The following DENND2B variants were observed in gnomAD, a reference collection of about 807,000 sequenced individuals.
The protein encoded by DENND2B is DENN domain-containing protein 2B.
A neutral mutation model predicts 116.0 loss-of-function variants in DENND2B; 32 were observed. That is an observed-to-expected ratio of 0.28 (90% CI 0.21 to 0.37). The LOEUF (loss-of-function observed/expected upper bound fraction) is 0.37, where lower values mean the gene tolerates loss of function less well. Among genes scored for constraint, DENND2B ranks in the 10% least tolerant of loss-of-function variants. The probability of loss-of-function intolerance (pLI) is 1.00; values close to 1 mark genes in which losing one functional copy is unlikely to be tolerated. For missense variants in DENND2B, 1,276 were observed against 1,477.7 expected, an observed-to-expected ratio of 0.86 and a Z score of 2.24; for synonymous variants, 588 against 583.9, an observed-to-expected ratio of 1.01 and a Z score of -0.10.
At chr11:8,829,133 G>A (rs556268335) in intron 4 of DENND2B, among the ~76,000 whole-genome samples, 1 of 151,058 alleles carries the variant, frequency 6.6e-6, no homozygotes, top group South Asian at 2.1e-4. Context: ...TGTGGTGTGT[G>A]TGCATATGTG....
intron 4 of DENND2B, among the ~76,000 whole-genome samples, chr11:8,827,817 C>T (rs1470320933): frequency 6.6e-6 from 1 of 152,232 alleles, no homozygotes; most frequent in Non-Finnish European, 1.5e-5. Flanking sequence ...AGCTCAACGA[C>T]ATCTGACTTC....
At chr11:8,875,879 T>C (rs1334607312), upstream of DENND2B, among the ~76,000 whole-genome samples, 1 of 152,168 alleles carries the variant, frequency 6.6e-6, no homozygotes, top group African/African-American at 2.4e-5. Context: ...AAAACCAATA[T>C]TCCTTCAGTA....
chr11:8,728,524 G>A (rs568828308), intron 3 of DENND2B, among the ~76,000 whole-genome samples: 13 of 152,232 alleles, frequency 8.5e-5, no homozygotes, highest in Non-Finnish European at 1.2e-4. Context: ...TATGGTATAC[G>A]TGTGTATATA....
chr11:8,908,513 C>A (rs2064267842), intron 1 of DENND2B, among the ~76,000 whole-genome samples: 1 of 152,150 alleles, frequency 6.6e-6, no homozygotes, highest in African/African-American at 2.4e-5. Flanking sequence ...TTCACAATAA[C>A]CCTATGAGGA....
intron 3 of DENND2B, among the ~76,000 whole-genome samples, chr11:8,856,637 A>C (rs926650735): frequency 2.0e-5 from 3 of 151,850 alleles, no homozygotes; most frequent in Non-Finnish European, 4.4e-5. Flanking sequence ...TGACTCCCCA[A>C]CCACTATATT....
intron 4 of DENND2B, among the ~76,000 whole-genome samples, chr11:8,835,019 G>A (rs1364954228): frequency 1.3e-5 from 2 of 152,182 alleles, no homozygotes; most frequent in African/African-American, 4.8e-5. Context: ...GCCAAGGTGG[G>A]CGGATCAATT....
chr11:8,787,301 C>T (rs2059001241), intron 1 of DENND2B: 1 of 152,108 alleles, frequency 6.6e-6, no homozygotes, highest in Non-Finnish European at 1.5e-5. Context: ...GTATCATCAT[C>T]CTCAAGGAGA....
chr11:8,701,079 AC>A (rs755679434), intron 14 of DENND2B, among the ~76,000 whole-genome samples: 43 of 152,202 alleles, frequency 2.8e-4, no homozygotes, highest in Admixed American at 1.6e-3. Flanking sequence ...GAGCCACTGT[AC>A]CTCATTTCCT....
intron 4 of DENND2B, among the ~76,000 whole-genome samples, chr11:8,721,356 C>G (rs2046139303): frequency 6.6e-6 from 1 of 152,078 alleles, no homozygotes; most frequent in South Asian, 2.1e-4. Flanking sequence ...ACATACAGCA[C>G]TCCCCCAGCC....
At chr11:8,794,302 C>G (rs760194241) in intron 1 of DENND2B, among the ~76,000 whole-genome samples, 1 of 152,184 alleles carries the variant, frequency 6.6e-6, no homozygotes, top group Non-Finnish European at 1.5e-5. Context: ...ACTCTGTATT[C>G]TCACCTCTCA....
chr11:8,732,095 C>G lies in DENND2B; in HGVS notation c.81-886G>C, dbSNP rs148572479. Among the ~76,000 whole-genome samples, 3 of 152,320 alleles carry G rather than the reference C, an allele frequency of 2.0e-5. No individual in the cohort carries two copies. In the East Asian group the frequency reaches 5.8e-4, roughly 29 times the overall value. On this transcript the variant is annotated intron_variant, in intron 2 of 19. Coordinates refer to ENST00000313726, the MANE Select transcript of DENND2B (RefSeq NM_213618.2). ...CCCTCAGGAAAGAGTCTTTTCCACT[C>G]TATCATTGAGGAAGCCAATGGGGTG...
intron 1 of DENND2B, among the ~76,000 whole-genome samples, chr11:8,800,657 G>T (rs550711701): frequency 4.6e-5 from 7 of 152,118 alleles, no homozygotes; most frequent in Non-Finnish European, 1.0e-4. Flanking sequence ...CCCATAAATT[G>T]GCACTGTTGA....
chr11:8,740,421 T>C (rs2049992306), intron 2 of DENND2B, among the ~76,000 whole-genome samples: 1 of 152,208 alleles, frequency 6.6e-6, no homozygotes, highest in Non-Finnish European at 1.5e-5. Context: ...GCCTCATATA[T>C]TGTCAGGTGC....
chr11:8,733,836 C>T (rs1409914661), intron 2 of DENND2B, among the ~76,000 whole-genome samples: 4 of 152,230 alleles, frequency 2.6e-5, no homozygotes, highest in Non-Finnish European at 2.9e-5. Context: ...AACTTTCTCT[C>T]AATGCCTACC....
chr11:8,751,376 G>A (rs1488476955), intron 1 of DENND2B, among the ~76,000 whole-genome samples: 1 of 152,174 alleles, frequency 6.6e-6, no homozygotes, highest in Non-Finnish European at 1.5e-5. Context: ...CCAGATAAGG[G>A]AATAAAAGCA....
At chr11:8,697,486 C>A in intron 17 of DENND2B, 39 bp downstream of exon 17, 1 of 1,527,202 alleles carries the variant, frequency 6.5e-7, no homozygotes, top group Non-Finnish European at 9.1e-7. Context: ...GCAGAGGGAG[C>A]CTGGAGCAGA....
At chr11:8,814,789 C>T (rs1000307286), upstream of DENND2B, among the ~76,000 whole-genome samples, 3 of 152,242 alleles carry the variant, frequency 2.0e-5, no homozygotes, top group Non-Finnish European at 4.4e-5. Flanking sequence ...ACAGCTGGCA[C>T]TCAATAAATA....
intron 2 of DENND2B, among the ~76,000 whole-genome samples, chr11:8,739,978 G>A (rs1449373211): frequency 6.6e-6 from 1 of 152,020 alleles, no homozygotes; most frequent in Non-Finnish European, 1.5e-5. Context: ...TTGAGCCCAG[G>A]AGTTGGAGAC....
intron 4 of DENND2B, 148 bp from the exon 5 acceptor site, chr11:8,718,040 C>T (rs762600233): frequency 7.5e-5 from 60 of 797,796 alleles, no homozygotes; most frequent in East Asian, 1.7e-4. Flanking sequence ...TGCAGCTGCC[C>T]GTCTGCAGTG....
Sources: allele counts gnomAD v4.1 joint callset (sites outside exome capture counted in the v4.1 genomes callset), GRCh38; gene constraint gnomAD v4.1.1; transcripts MANE v1.5; gene names NCBI Gene and HGNC (gene_info 2026-07-23, HGNC 2026-07-21).